LILRB5: variants seen among roughly 807,000 people sequenced by gnomAD.
LILRB5 encodes leukocyte immunoglobulin-like receptor subfamily B member 5.
A neutral mutation model predicts 68.4 loss-of-function variants in LILRB5; 61 were observed. That is an observed-to-expected ratio of 0.89 (90% confidence interval 0.73 to 1.10). The LOEUF (loss-of-function observed/expected upper bound fraction) is 1.10, where lower values mean the gene tolerates loss of function less well. Among genes scored for constraint, LILRB5 ranks in the 50% least tolerant of loss-of-function variants. The pLI is 0.00. For synonymous variants in LILRB5, 356 were observed against 315.8 expected (o/e 1.13, Z -1.35); for missense variants, 771 against 751.6 (o/e 1.03, Z -0.30).
At position 54,257,211 on chromosome 19, in the gene LILRB5, G is replaced by T; in HGVS notation, c.-18C>A. ...AGGGTCATGGCGTCAGCTCCCACTG[G>T]ACTCAGCTGTGCAGGCGGATGAGAC... On this transcript the variant is annotated 5_prime_UTR_variant, in exon 1 of 13. Transcript: ENST00000449561. The T allele has an allele frequency of 6.2e-7, 1 of 1,614,172 alleles. No individual in the cohort carries two copies. Among genetic ancestry groups the T allele is most frequent in the Non-Finnish European group, 8.5e-7 (1 of 1,180,024 alleles).
Position 54,255,522 on chromosome 19 carries a change from C to A in LILRB5, c.716G>T (p.Ser239Ile). The A allele has an allele frequency of 6.2e-7, 1 of 1,614,008 alleles. No homozygotes were observed. The highest frequency in any genetic ancestry group is 8.5e-7 in the Non-Finnish European group (1 of 1,179,958). ...ATCAGAGCGACACTGCAGGGTCAGGCTGCCTCCGCGGGCCACGACAGAGCC... is the reference window on the plus strand; with the variant it reads ...ATCAGAGCGACACTGCAGGGTCAGGATGCCTCCGCGGGCCACGACAGAGCC... ...PQGSVVARGG[S>I]LTLQCRSDVG... The change falls in exon 5 of 13, where the codon AGC becomes ATC. Residue 239 changes from serine to isoleucine, a missense_variant. Physicochemically the swap from Ser to Ile is moderately radical, Grantham distance 142. Coordinates refer to ENST00000449561, the MANE Select transcript of LILRB5 (RefSeq NM_001081442.3).
chr19:54,250,891 C>T lies in LILRB5; in HGVS notation c.1671G>A (p.Gln557=), dbSNP rs778897942. 14 of 1,573,916 alleles carry T rather than the reference C, an allele frequency of 8.9e-6. No individual in the cohort carries two copies. Among genetic ancestry groups the T allele is most frequent in the South Asian group, 1.1e-5 (1 of 90,220 alleles). Residue 557 remains glutamine, a synonymous_variant, in exon 13 of 13, where the codon CAG becomes CAA. Transcript: ENST00000449561. ...SEAPQDVTYA[Q]LHSLTLRREA... is the part of the protein sequence containing the mutation. ...CCCGTCTGAGGGTCAAGCTGTGCAG[C>T]TGGGCGTAGGTCACATCCTGGGGGG... is the stretch of plus-strand genomic sequence containing the variant.
chr19:54,253,098 G>T, intron 8 of LILRB5, 111 bp from the exon 9 acceptor site: 1 of 499,936 alleles, frequency 2.0e-6, no homozygotes, highest in Non-Finnish European at 3.3e-6. Flanking sequence ...CACAGCAGTT[G>T]TGCAACATGG....
chr19:54,255,622 C>T (rs773065971), intron 4 of LILRB5, 40 bp from the exon 5 acceptor site: 5 of 1,580,034 alleles, frequency 3.2e-6, no homozygotes, highest in South Asian at 2.3e-5. Context: ...AGGCTGGTTC[C>T]TCCCCCGCCC....
rs750903433 is a variant in LILRB5 at position 54,256,212 on chromosome 19, G to A, written c.486C>T (p.Leu162=). 1.2e-6 allele frequency: 2 copies of A among 1,613,920 alleles called. No homozygotes were observed. Among genetic ancestry groups the A allele is most frequent in the South Asian group, 2.2e-5 (2 of 91,066 alleles). ...TFVLVEEEQK[L]PRTLYSQKLP... ...GCTTCTGTGAGTACAGGGTCCTGGG[G>A]AGCTTCTGTTCTTCCTCAACAAGAA... is the stretch of plus-strand genomic sequence containing the variant. The change falls in exon 4 of 13, where the codon CTC becomes CTT. Residue 162 remains leucine, a synonymous_variant. Transcript: ENST00000449561.
intron 12 of LILRB5, 195 bp downstream of exon 12, chr19:54,251,859 A>C: frequency 1.3e-6 from 1 of 754,098 alleles, no homozygotes; most frequent in Non-Finnish European, 2.4e-6. Context: ...CAGGAAGGGG[A>C]CCCGGGAGGA....
Position 54,252,382 on chromosome 19 carries a change from G to T in LILRB5, c.1560C>A (p.Ile520=), listed in dbSNP as rs1460006220. The change falls in exon 11 of 13, where the codon ATC becomes ATA. Residue 520 remains isoleucine, a synonymous_variant. Transcript: ENST00000449561. ...GTCACTCACTGAGAATTTCCTCCTG[G>T]ATGTCAGCAACTGGGCTGGCCCTGG... ...LQKRASPVAD[I]QEEILNAAVK... The T allele has an allele frequency of 6.8e-6, 11 of 1,613,998 alleles. No individual in the cohort carries two copies. In the Middle Eastern group the frequency reaches 5.0e-4, roughly 73 times the overall value.
intron 9 of LILRB5, 130 bp downstream of exon 9, chr19:54,252,737 CTCGA>C: frequency 5.8e-6 from 6 of 1,040,660 alleles, no homozygotes; most frequent in Non-Finnish European, 7.2e-6. Flanking sequence ...TCTCTTCTTT[CTCGA>C]TCGATTTTTC....
intron 7 of LILRB5, 97 bp downstream of exon 7, chr19:54,254,268 G>A (rs1391375854): frequency 2.6e-5 from 38 of 1,470,226 alleles, no homozygotes; most frequent in Admixed American, 2.3e-4. Flanking sequence ...GGAAGCTCCC[G>A]CTTGAGTCTT....
intron 12 of LILRB5, chr19:54,251,138 A>T (rs1161246180): frequency 3.8e-6 from 6 of 1,578,504 alleles, no homozygotes; most frequent in Non-Finnish European, 5.2e-6. Flanking sequence ...GGCATACGTC[A>T]CTGCCTGGGG....
At chr19:54,254,575 C>T (rs1328976172) in intron 6 of LILRB5, 160 bp from the exon 7 acceptor site, 10 of 1,220,954 alleles carry the variant, frequency 8.2e-6, no homozygotes, top group South Asian at 1.4e-5. Flanking sequence ...TGGGGAGCCC[C>T]CGTTGTCCTC....
intron 4 of LILRB5, 125 bp from the exon 5 acceptor site, chr19:54,255,707 G>GT: frequency 8.3e-7 from 1 of 1,208,198 alleles, no homozygotes. Flanking sequence ...GGATCCCGGG[G>GT]CCTCCTTCTC....
intron 12 of LILRB5, 160 bp from the exon 13 acceptor site, chr19:54,251,092 G>A (rs776237375): frequency 6.7e-7 from 1 of 1,500,366 alleles, no homozygotes; most frequent in Non-Finnish European, 9.2e-7. Context: ...AAGGAGGAGA[G>A]GCCATTTCTC....
At chr19:54,251,699 G>C in intron 12 of LILRB5, 3 of 643,706 alleles carry the variant, frequency 4.7e-6, no homozygotes, top group South Asian at 4.5e-5. Context: ...CTCCCATGGG[G>C]AGCCCCATCC....
rs751260695 is a variant in LILRB5, at chr19:54,250,867, C to T, written c.1695G>A (p.Arg565=). 1.9e-6 allele frequency: 3 copies of T among 1,613,650 alleles called. No homozygotes were observed. The highest frequency in any genetic ancestry group is 2.5e-6 in the Non-Finnish European group (3 of 1,179,920). The change falls in exon 13 of 13, where the codon CGG becomes CGA. Residue 565 remains arginine, a synonymous_variant. Transcript: ENST00000449561. ...YAQLHSLTLR[R]EATEPPPSQE... is the part of the protein sequence containing the mutation. Reference sequence around the variant, plus strand: ...GGGATGGAGGAGGCTCAGTTGCCTCCCGTCTGAGGGTCAAGCTGTGCAGCT... The same window carrying T: ...GGGATGGAGGAGGCTCAGTTGCCTCTCGTCTGAGGGTCAAGCTGTGCAGCT...
chr19:54,255,094 C>T, intron 5 of LILRB5, 57 bp from the exon 6 acceptor site: 1 of 1,533,960 alleles, frequency 6.5e-7, no homozygotes, highest in Non-Finnish European at 8.8e-7. Flanking sequence ...GCTGAGACCT[C>T]CCCAGGCCTC....
chr19:54,254,344 C>T, intron 7 of LILRB5, 21 bp downstream of exon 7: 1 of 1,564,434 alleles, frequency 6.4e-7, no homozygotes. Context: ...CCCTCCGAGC[C>T]CAGAGGCCTC....
chr19:54,252,847 CG>C (rs1349107600), intron 9 of LILRB5, 23 bp downstream of exon 9: 2 of 1,594,762 alleles, frequency 1.3e-6, no homozygotes, highest in Admixed American at 3.4e-5. Flanking sequence ...GGTCGGCCCA[CG>C]GGTTCCCCCA....
chr19:54,252,632 A>C, intron 9 of LILRB5, 83 bp from the exon 10 acceptor site: 1 of 1,497,858 alleles, frequency 6.7e-7, no homozygotes, highest in Non-Finnish European at 9.2e-7. Flanking sequence ...GAAAGAAGGA[A>C]ACCTGGAGGC....
Sources: gnomAD v4.1 joint callset for allele counts on GRCh38, gnomAD v4.1.1 for gene constraint, MANE v1.5 for transcripts, NCBI Gene and HGNC (gene_info 2026-07-23, HGNC 2026-07-21) for gene names.